DCC: variants seen among roughly 807,000 people sequenced by gnomAD.
DCC encodes DCC netrin 1 receptor.
DCC carries 58 observed loss-of-function variants against 172.5 expected under a neutral mutation model. That is an observed-to-expected ratio of 0.34 (90% CI 0.27 to 0.42). DCC has a LOEUF of 0.42. Among genes scored for constraint, DCC ranks in the 10% least tolerant of loss-of-function variants. The pLI, the probability that DCC is intolerant of heterozygous loss-of-function variation, is 1.00. For synonymous variants in DCC, 709 were observed against 644.5 expected (o/e 1.10, Z -1.52); for missense variants, 1,740 against 1,791.0 (o/e 0.97, Z 0.51).
chr18:53,495,804 T>G (rs1429022023), intron 26 of DCC, among the ~76,000 whole-genome samples: 1 of 152,202 alleles, frequency 6.6e-6, no homozygotes, highest in East Asian at 1.9e-4. Flanking sequence ...TTTTGGAGGC[T>G]TTGTTCATTT....
intron 5 of DCC, among the ~76,000 whole-genome samples, chr18:53,004,500 A>C (rs2143854788): frequency 6.6e-6 from 1 of 152,324 alleles, no homozygotes; most frequent in South Asian, 2.1e-4. Context: ...TTTCTTAAGC[A>C]TTGTCTTTTG....
At chr18:52,763,420 C>T (rs2037193814) in intron 2 of DCC, among the ~76,000 whole-genome samples, 1 of 152,144 alleles carries the variant, frequency 6.6e-6, no homozygotes, top group Admixed American at 6.5e-5. Flanking sequence ...GCACAGGTTC[C>T]AGGAGCATCC....
At chr18:52,907,307 C>CATATGGATATATACATATGT (rs1555680326) in intron 3 of DCC, among the ~76,000 whole-genome samples, 58,726 of 100,542 alleles carry the variant, frequency 0.58, 19,441 homozygotes, top group Non-Finnish European at 0.7. Context: ...TGGATATATA[C>CATATGGATATATACATATGT]ATATGTATAT....
intron 8 of DCC, among the ~76,000 whole-genome samples, chr18:53,163,700 C>T (rs1408255020): frequency 6.6e-6 from 1 of 152,150 alleles, no homozygotes; most frequent in East Asian, 1.9e-4. Flanking sequence ...TATTCCAAAA[C>T]ATGAAAGCTA....
chr18:52,528,159 C>A (rs2032039116), intron 1 of DCC, among the ~76,000 whole-genome samples: 1 of 152,104 alleles, frequency 6.6e-6, no homozygotes, highest in African/African-American at 2.4e-5. Context: ...TTAGGTTGAC[C>A]TCTTGCAAAA....
intron 14 of DCC, among the ~76,000 whole-genome samples, chr18:53,325,740 C>A (rs1373691027): frequency 6.6e-6 from 1 of 152,046 alleles, no homozygotes; most frequent in African/African-American, 2.4e-5. Context: ...CCTTCTTTTT[C>A]TTTGGGTATG....
In DCC at chr18:53,450,516, A is replaced by G. The variant is rs1002253482; in HGVS notation, c.3246A>G (p.Gln1082=). 8.1e-6 allele frequency: 13 copies of G among 1,613,826 alleles called. No individual in the cohort carries two copies. The highest frequency in any genetic ancestry group is 1.0e-5 in the Non-Finnish European group (12 of 1,179,964). ...RSTLNEPPIG[Q]MHPPHGSVTP... Reference sequence around the variant, plus strand: ...TTTTCCCAGAGCCGCCAATTGGACAAATGCACCCCCCGCATGGCAGTGTCA... The same window carrying G: ...TTTTCCCAGAGCCGCCAATTGGACAGATGCACCCCCCGCATGGCAGTGTCA... Residue 1082 remains glutamine (Q), a synonymous_variant, in exon 23 of 29, where the codon CAA becomes CAG. Transcript: ENST00000442544.
intron 2 of DCC, among the ~76,000 whole-genome samples, chr18:52,845,458 C>T (rs1347827178): frequency 6.6e-6 from 1 of 152,190 alleles, no homozygotes; most frequent in Non-Finnish European, 1.5e-5. Context: ...CATGGCCCCC[C>T]TGAGAGGATA....
intron 13 of DCC, among the ~76,000 whole-genome samples, chr18:53,314,845 T>A (rs1000545594): frequency 6.6e-6 from 1 of 152,150 alleles, no homozygotes; most frequent in Admixed American, 6.5e-5. Flanking sequence ...AAGGAAGATA[T>A]GAAGAGCTCC....
At chr18:52,704,366 T>C (rs974159563) in intron 1 of DCC, among the ~76,000 whole-genome samples, 12 of 152,182 alleles carry the variant, frequency 7.9e-5, no homozygotes, top group Non-Finnish European at 1.6e-4. Flanking sequence ...TATTTACAAA[T>C]TGGGGTCCTG....
chr18:53,503,258 T>TAACG (rs1184147154), intron 27 of DCC, among the ~76,000 whole-genome samples: 1 of 152,222 alleles, frequency 6.6e-6, no homozygotes, highest in Non-Finnish European at 1.5e-5. Flanking sequence ...TCTGTTGTCA[T>TAACG]AACGACTGAA....
chr18:53,214,868 G>A (rs943283403), intron 11 of DCC, among the ~76,000 whole-genome samples: 1 of 152,104 alleles, frequency 6.6e-6, no homozygotes, highest in African/African-American at 2.4e-5. Flanking sequence ...AGCTGTATAT[G>A]TTCTTCCTTC....
At chr18:53,484,028 A>G (rs139587133) in intron 25 of DCC, among the ~76,000 whole-genome samples, 1 of 151,892 alleles carries the variant, frequency 6.6e-6, no homozygotes, top group East Asian at 1.9e-4. Flanking sequence ...GTGTGTGTAT[A>G]TATATATGAA....
intron 1 of DCC, among the ~76,000 whole-genome samples, chr18:52,492,503 G>A (rs1680863304): frequency 6.6e-6 from 1 of 151,882 alleles, no homozygotes; most frequent in African/African-American, 2.4e-5. Context: ...GGAGAAAGAA[G>A]AAGGATGTTT....
At chr18:52,718,063 A>T (rs1041155181) in intron 1 of DCC, among the ~76,000 whole-genome samples, 4 of 152,176 alleles carry the variant, frequency 2.6e-5, no homozygotes, top group Non-Finnish European at 5.9e-5. Context: ...AGGAGGCATG[A>T]GTGGGACTTC....
At chr18:52,369,136 G>A (rs928673929) in intron 1 of DCC, among the ~76,000 whole-genome samples, 5 of 152,120 alleles carry the variant, frequency 3.3e-5, no homozygotes, top group African/African-American at 1.2e-4. Context: ...TGAATTTGGT[G>A]GTATCGATGA....
chr18:53,126,980 G>A (rs2043566828), intron 7 of DCC, among the ~76,000 whole-genome samples: 1 of 152,066 alleles, frequency 6.6e-6, no homozygotes, highest in African/African-American at 2.4e-5. Flanking sequence ...AGAAAGATAA[G>A]TTCTTCGAGG....
At chr18:52,608,698 A>T (rs1568253204) in intron 1 of DCC, among the ~76,000 whole-genome samples, 1 of 152,196 alleles carries the variant, frequency 6.6e-6, no homozygotes, top group African/African-American at 2.4e-5. Context: ...GGTAAGAAAG[A>T]TGCCATTTCT....
intron 12 of DCC, among the ~76,000 whole-genome samples, chr18:53,223,053 A>G (rs2055967691): frequency 6.6e-6 from 1 of 152,134 alleles, no homozygotes; most frequent in Non-Finnish European, 1.5e-5. Context: ...TTTATGCATA[A>G]CTAGAATAGG....
Sources: allele counts gnomAD v4.1 joint callset (sites outside exome capture counted in the v4.1 genomes callset), GRCh38; gene constraint gnomAD v4.1.1; transcripts MANE v1.5; gene names NCBI Gene and HGNC (gene_info 2026-07-23, HGNC 2026-07-21).